Variants in KANTR observed in about 807,000 individuals in gnomAD.
KANTR encodes KDM5C adjacent transcript.
downstream of KANTR, chrX:53,143,204 A>G (rs1163005645): frequency 4.2e-6 from 3 of 709,986 alleles, no homozygotes; most frequent in Non-Finnish European, 6.7e-6. Flanking sequence ...CAGGCAGCTC[A>G]TAGCTCTTCT....
intron 2 of KANTR, among the ~76,000 whole-genome samples, chrX:53,107,089 T>A (rs12689040): frequency 0.13 from 14,745 of 110,419 alleles, 938 homozygotes; most frequent in South Asian, 0.2. Flanking sequence ...AGTTTTGAAG[T>A]CAAGAAGTGA....
At position 53,111,854 on chromosome X, in the gene KANTR, G is replaced by A. The variant is rs12838596; in HGVS notation, c.-804-11615G>A. Among the ~76,000 whole-genome samples the A allele has an allele frequency of 1.3e-3, 146 of 112,027 alleles. 1 individual carries two copies. The highest frequency in any genetic ancestry group is 2.4e-3 in the Non-Finnish European group (129 of 53,173). ...CAGAACAACAACAACAAAATAAGGCGGGTTAGACAAGCTAACTTCAGCATT... is the reference window on the plus strand; with the variant it reads ...CAGAACAACAACAACAAAATAAGGCAGGTTAGACAAGCTAACTTCAGCATT... On this transcript the variant is annotated intron_variant, in intron 2 of 2. Transcript: ENST00000604062.
At chrX:53,103,398 G>C (rs1556812201) in intron 2 of KANTR, among the ~76,000 whole-genome samples, 2 of 110,947 alleles carry the variant, frequency 1.8e-5, no homozygotes, top group Non-Finnish European at 3.8e-5. Flanking sequence ...TCCAACTCCA[G>C]CAATCCCTCA....
intron 2 of KANTR, among the ~76,000 whole-genome samples, chrX:53,123,203 C>T (rs1414522458): frequency 3.8e-5 from 4 of 105,816 alleles, no homozygotes; most frequent in African/African-American, 1.0e-4. Flanking sequence ...CTGAGCAAGA[C>T]TTTTTAATGA....
intron 2 of KANTR, among the ~76,000 whole-genome samples, chrX:53,110,827 G>A (rs1413272355): frequency 3.7e-5 from 4 of 108,182 alleles, no homozygotes; most frequent in Admixed American, 9.9e-5. Context: ...GGAGGCTGAG[G>A]CAGGAGAATT....
At chrX:53,143,893 C>T (rs1556818882), downstream of KANTR, 7 of 414,049 alleles carry the variant, frequency 1.7e-5, no homozygotes, top group Admixed American at 1.9e-4. Flanking sequence ...CAATGATGAG[C>T]GCGGCGATCT....
intron 2 of KANTR, among the ~76,000 whole-genome samples, chrX:53,117,120 A>G (rs1933135910): frequency 9.0e-6 from 1 of 110,597 alleles, no homozygotes; most frequent in African/African-American, 3.3e-5. Flanking sequence ...CGTCTCTACT[A>G]AAAATATAAA....
downstream of KANTR, among the ~76,000 whole-genome samples, chrX:53,129,902 T>C (rs1041666880): frequency 2.4e-4 from 26 of 108,987 alleles, no homozygotes; most frequent in Non-Finnish European, 3.8e-4. Flanking sequence ...AGGCTCACTC[T>C]GTCACCCAGG....
intron 2 of KANTR, among the ~76,000 whole-genome samples, chrX:53,141,194 T>C (rs1229168633): frequency 8.9e-6 from 1 of 112,382 alleles, no homozygotes; most frequent in Non-Finnish European, 1.9e-5. Context: ...TTTGAAATTA[T>C]ATTTGAACAG....
intron 2 of KANTR, among the ~76,000 whole-genome samples, chrX:53,117,667 G>C (rs782424451): frequency 2.1e-5 from 2 of 93,622 alleles, no homozygotes; most frequent in Non-Finnish European, 4.1e-5. Flanking sequence ...CCAGGCTGTA[G>C]TGCAGTGCAA....
At chrX:53,133,498 A>G (rs1233271922) in intron 2 of KANTR, among the ~76,000 whole-genome samples, 2 of 111,639 alleles carry the variant, frequency 1.8e-5, no homozygotes, top group Admixed American at 1.9e-4. Flanking sequence ...AGCCACACCT[A>G]CACTCTGCTA....
intron 3 of KANTR, among the ~76,000 whole-genome samples, chrX:53,147,887 A>C (rs1175783402): frequency 3.6e-5 from 4 of 112,046 alleles, no homozygotes; most frequent in African/African-American, 1.3e-4. Flanking sequence ...TAACGAAATG[A>C]AGGCAGAAAT....
At chrX:53,145,157 C>T (rs1933556859), downstream of KANTR, among the ~76,000 whole-genome samples, 1 of 111,093 alleles carries the variant, frequency 9.0e-6, no homozygotes, top group Admixed American at 9.6e-5. Context: ...ACAGTGGGTG[C>T]AGGACAGTGG....
At chrX:53,094,721 A>C (rs113412714) in intron 1 of KANTR, 5 of 112,000 alleles carry the variant, frequency 4.5e-5, no homozygotes, top group Non-Finnish European at 3.8e-5. Context: ...CTCCTTCACC[A>C]GCCTGGGCCT....
chrX:53,099,150 T>C (rs187746825), intron 1 of KANTR, among the ~76,000 whole-genome samples: 616 of 111,481 alleles, frequency 5.5e-3, no homozygotes, highest in Non-Finnish European at 6.9e-3. Context: ...GCGGGTGAAT[T>C]GCCTAAGGTC....
At chrX:53,096,455 T>G (rs1304440642) in intron 1 of KANTR, among the ~76,000 whole-genome samples, 7 of 112,199 alleles carry the variant, frequency 6.2e-5, no homozygotes, top group African/African-American at 1.9e-4. Flanking sequence ...TCCTGTACAC[T>G]GCAGAGGGCT....
intron 2 of KANTR, among the ~76,000 whole-genome samples, chrX:53,137,559 G>A (rs1933442344): frequency 9.0e-6 from 1 of 110,969 alleles, no homozygotes; most frequent in African/African-American, 3.3e-5. Flanking sequence ...GAGGCTGGGA[G>A]TTCGAGACCA....
chrX:53,126,281 A>G (rs1933291670), exon 3 of KANTR: 1 of 111,071 alleles, frequency 9.0e-6, no homozygotes, highest in Admixed American at 9.6e-5. Flanking sequence ...ATCTCTTCAA[A>G]TATTGCCTTT....
intron 2 of KANTR, among the ~76,000 whole-genome samples, chrX:53,111,023 T>C (rs1320992455): frequency 1.8e-5 from 2 of 109,022 alleles, no homozygotes; most frequent in African/African-American, 6.7e-5. Flanking sequence ...TTTATTTATT[T>C]ATTTATTTTT....
Sources: gnomAD v4.1 joint callset for allele counts (sites outside exome capture counted in the v4.1 genomes callset) on GRCh38, gnomAD v4.1.1 for gene constraint, MANE v1.5 for transcripts, NCBI Gene and HGNC (gene_info 2026-07-23, HGNC 2026-07-21) for gene names.